The following TPTE2 variants were observed in gnomAD, a reference collection of about 807,000 sequenced individuals.
TPTE2 encodes the protein phosphatidylinositol 3,4,5-trisphosphate 3-phosphatase TPTE2.
A neutral mutation model predicts 78.6 loss-of-function variants in TPTE2; 53 were observed. That is an observed-to-expected ratio of 0.67 (90% CI 0.54 to 0.85). TPTE2 has a LOEUF of 0.85. TPTE2 is among the 40% of genes least tolerant of loss of function. The probability of loss-of-function intolerance (pLI) is 0.00; values close to 1 mark genes in which losing one functional copy is unlikely to be tolerated. For missense variants in TPTE2, 461 were observed against 623.0 expected, an observed-to-expected ratio of 0.74 and a Z score of 2.77; for synonymous variants, 175 against 206.2, an observed-to-expected ratio of 0.85 and a Z score of 1.30.
At chr13:19,430,493 G>A in exon 17 of TPTE2, 2 of 1,610,790 alleles carry the variant, frequency 1.2e-6, no homozygotes, top group Non-Finnish European at 1.7e-6. Context: ...TGAAGTACTG[G>A]AAAAGACAAC....
intron 1 of TPTE2, among the ~76,000 whole-genome samples, chr13:19,533,813 T>C (rs774689866): frequency 1.3e-5 from 2 of 152,160 alleles, no homozygotes; most frequent in African/African-American, 4.8e-5. Flanking sequence ...CACTGTAGAA[T>C]TGTTGACAAT....
At chr13:19,514,932 C>A (rs1296062246) in intron 1 of TPTE2, among the ~76,000 whole-genome samples, 3 of 152,064 alleles carry the variant, frequency 2.0e-5, no homozygotes, top group Non-Finnish European at 2.9e-5. Flanking sequence ...AATCTCTCTG[C>A]AACTTTATTT....
the TPTE2 span, among the ~76,000 whole-genome samples, chr13:19,552,212 A>G: frequency 6.6e-6 from 1 of 152,222 alleles, no homozygotes; most frequent in Non-Finnish European, 1.5e-5. Flanking sequence ...AATGTTCTCC[A>G]AAATTGAAGT....
chr13:19,457,810 T>C (rs1259380707), intron 10 of TPTE2, among the ~76,000 whole-genome samples: 5 of 152,220 alleles, frequency 3.3e-5, no homozygotes, highest in Admixed American at 3.3e-4. Flanking sequence ...ATATTACACA[T>C]AAACCACACA....
At chr13:19,556,882 A>C in the TPTE2 span, among the ~76,000 whole-genome samples, 1 of 149,940 alleles carries the variant, frequency 6.7e-6, no homozygotes, top group Non-Finnish European at 1.5e-5. Flanking sequence ...ATTTGTATTG[A>C]GTTTCTTCAT....
At position 19,465,597 on chromosome 13, in the gene TPTE2, T is replaced by G. The variant is rs56822727; in HGVS notation, c.513-33A>C. 2,017 of 1,530,288 alleles carry G rather than the reference T, an allele frequency of 1.3e-3. 26 individuals are homozygous for G. In the African/African-American group the frequency reaches 0.024, roughly 18 times the overall value. 94.8% of individuals were successfully genotyped at this position (1,530,288 alleles called of 1,614,324 possible). On this transcript the variant is annotated intron_variant, in intron 7 of 19. Coordinates refer to ENST00000400230, the Ensembl canonical transcript of TPTE2. ...TAAATTTAAAAGATCCATTTTTGCTTCAGAAACAGAATTTTATCAATATAA... is the reference window on the plus strand; with the variant it reads ...TAAATTTAAAAGATCCATTTTTGCTGCAGAAACAGAATTTTATCAATATAA...
intron 10 of TPTE2, among the ~76,000 whole-genome samples, chr13:19,459,233 T>C (rs1273898437): frequency 6.6e-6 from 1 of 152,232 alleles, no homozygotes; most frequent in African/African-American, 2.4e-5. Context: ...GGGAAGTGTC[T>C]GTTCAGATCC....
At chr13:19,506,158 A>ATTTT (rs1566069858), upstream of TPTE2, among the ~76,000 whole-genome samples, 14 of 23,546 alleles carry the variant, frequency 5.9e-4, no homozygotes, top group East Asian at 1.6e-3. Flanking sequence ...GTGTATATAA[A>ATTTT]TCTTTTTTTT....
chr13:19,556,397 T>C, the TPTE2 span, among the ~76,000 whole-genome samples: 2 of 152,192 alleles, frequency 1.3e-5, no homozygotes, highest in Admixed American at 6.5e-5. Flanking sequence ...GAGTAGGTGC[T>C]ACATGAATGA....
chr13:19,482,527 T>C lies in TPTE2; in HGVS notation c.140A>G (p.Lys47Arg), dbSNP rs747924193. The C allele has an allele frequency of 8.1e-6, 13 of 1,612,722 alleles. No homozygotes were observed. In the African/African-American group the frequency reaches 1.6e-4, roughly 20 times the overall value. Residue 47 changes from lysine (K) to arginine (R), a missense_variant, in exon 4 of 20, where the codon AAG (lysine) becomes AGG (arginine). By Grantham distance (26) the Lys-to-Arg change is conservative. Transcript: ENST00000400230. ...ATTTTCAGCATCTTCAACTTCAAACTTGGAAAGTCGTTCTAACATACTTTA... is the reference window on the plus strand; with the variant it reads ...ATTTTCAGCATCTTCAACTTCAAACCTGGAAAGTCGTTCTAACATACTTTA...
At position 19,535,716 on chromosome 13, in the gene TPTE2, C is replaced by T. The variant is rs1393493484; in HGVS notation, c.-44+880G>A. On this transcript the variant is annotated intron_variant, in intron 1 of 17. Coordinates refer to the TPTE2 transcript ENST00000390680. The surrounding 1 kb of genome is among the most constrained non-coding windows in gnomAD (Gnocchi z 5.1). Reference sequence around the variant, plus strand: ...GTGTGACCTCAGCTCACTGCAACTTCCACCTACCAGGTTCAAGTGATTCTC... The same window carrying T: ...GTGTGACCTCAGCTCACTGCAACTTTCACCTACCAGGTTCAAGTGATTCTC... Among the ~76,000 whole-genome samples the T allele has an allele frequency of 2.6e-5, 4 of 152,092 alleles. No individual in the cohort carries two copies. The highest frequency in any genetic ancestry group is 1.3e-4 in the Admixed American group (2 of 15,264).
intron 1 of TPTE2, among the ~76,000 whole-genome samples, chr13:19,513,354 T>A (rs1869582489): frequency 6.6e-6 from 1 of 152,222 alleles, no homozygotes; most frequent in South Asian, 2.1e-4. Flanking sequence ...CCTAACTTTT[T>A]AGAAAGAATT....
intron 13 of TPTE2, among the ~76,000 whole-genome samples, chr13:19,444,633 G>A (rs1234753254): frequency 6.6e-6 from 1 of 152,060 alleles, no homozygotes; most frequent in African/African-American, 2.4e-5. Flanking sequence ...ATTCTCCCCA[G>A]TCTATAAATT....
upstream of TPTE2, among the ~76,000 whole-genome samples, chr13:19,507,304 T>TGA (rs1555255240): frequency 3.3e-4 from 37 of 112,196 alleles, no homozygotes; most frequent in Non-Finnish European, 5.4e-4. Flanking sequence ...CTAGCTGTTC[T>TGA]AAAAAAAAAA....
chr13:19,427,693 T>A (rs1876242612), intron 17 of TPTE2, among the ~76,000 whole-genome samples: 1 of 152,158 alleles, frequency 6.6e-6, no homozygotes, highest in Admixed American at 6.5e-5. Flanking sequence ...TCATGTTTTA[T>A]CAGAACTCTT....
At chr13:19,525,563 C>T (rs1870446957) in intron 1 of TPTE2, among the ~76,000 whole-genome samples, 1 of 152,124 alleles carries the variant, frequency 6.6e-6, no homozygotes, top group South Asian at 2.1e-4. Context: ...GGATAAAAGG[C>T]TTAAATGTAA....
chr13:19,493,238 T>G lies in TPTE2; in HGVS notation c.65+210A>C, dbSNP rs564809970. The stretch of plus-strand genomic sequence containing the variant: ...CTCCTGAGAGTAAATTTCACAAACC[T>G]CCATCAGTCTCCTTTCTCCTTGGTC... On this transcript the variant is annotated intron_variant, in intron 2 of 19. Coordinates refer to ENST00000400230, the Ensembl canonical transcript of TPTE2. 1.1e-4 allele frequency among the ~76,000 whole-genome samples: 17 copies of G among 151,944 alleles called. No individual in the cohort carries two copies. In the South Asian group the frequency reaches 3.5e-3, roughly 32 times the overall value.
the TPTE2 span, among the ~76,000 whole-genome samples, chr13:19,554,381 T>A: frequency 1.3e-5 from 2 of 149,922 alleles, no homozygotes; most frequent in African/African-American, 4.9e-5. Context: ...TCTCAAAAAA[T>A]AAATAAATAA....
chr13:19,443,737 TACACACACACACACACACACACAC>T (rs373060672), intron 13 of TPTE2, among the ~76,000 whole-genome samples: 1 of 129,772 alleles, frequency 7.7e-6, no homozygotes, highest in Non-Finnish European at 1.6e-5. Flanking sequence ...TGGTAGCTAA[TACACACACACACACACACACACAC>T]ACACACACAC....
Sources: gnomAD v4.1 joint callset for allele counts (sites outside exome capture counted in the v4.1 genomes callset) on GRCh38, gnomAD v4.1.1 for gene constraint, Gnocchi (gnomAD v3.1) non-coding constraint, MANE v1.5 for transcripts, NCBI Gene and HGNC (gene_info 2026-07-23, HGNC 2026-07-21) for gene names.